DOCK2: variants seen among roughly 807,000 people sequenced by gnomAD.
DOCK2 encodes the protein dedicator of cytokinesis protein 2.
A neutral mutation model predicts 248.9 loss-of-function variants in DOCK2; 87 were observed. The ratio of observed to expected loss-of-function variants is 0.35; its 90% CI spans 0.29 to 0.42. The LOEUF (loss-of-function observed/expected upper bound fraction) is 0.42. DOCK2 is among the 10% of genes least tolerant of loss of function. DOCK2 has a pLI of 1.00. For synonymous variants in DOCK2, 805 were observed against 821.6 expected (o/e 0.98, Z 0.35); for missense variants, 1,747 against 2,300.2 (o/e 0.76, Z 4.92).
intron 27 of DOCK2, among the ~76,000 whole-genome samples, chr5:169,958,627 G>T (rs1332189179): frequency 1.3e-5 from 2 of 151,466 alleles, no homozygotes; most frequent in African/African-American, 2.4e-5. Context: ...TTTAAATATT[G>T]ATTGTATAGG....
In DOCK2 at chr5:169,662,655, G is replaced by C. The variant is rs145932236; in HGVS notation, c.128-6633G>C. On this transcript the variant is annotated intron_variant, in intron 2 of 51. Coordinates refer to ENST00000520908, the MANE Select transcript of DOCK2 (RefSeq NM_004946.3). ...GCATGTTTTACATGGCAGCAGGAGAGAGAGAGAACAAGAAGGGAAGTGCCA... is the reference window on the plus strand; with the variant it reads ...GCATGTTTTACATGGCAGCAGGAGACAGAGAGAACAAGAAGGGAAGTGCCA... Among the ~76,000 whole-genome samples, 331 of 152,320 alleles carry C rather than the reference G, an allele frequency of 2.2e-3. 1 individual carries two copies. Among genetic ancestry groups the C allele is most frequent in the African/African-American group, 7.2e-3 (299 of 41,576 alleles).
chr5:169,714,581 C>A, intron 19 of DOCK2, 124 bp downstream of exon 19: 1 of 1,005,072 alleles, frequency 9.9e-7, no homozygotes, highest in Non-Finnish European at 1.5e-6. Context: ...CAGTAGGATA[C>A]ACTCTCCCGA....
At chr5:169,747,812 A>C (rs1763691477) in intron 23 of DOCK2, among the ~76,000 whole-genome samples, 1 of 152,248 alleles carries the variant, frequency 6.6e-6, no homozygotes, top group South Asian at 2.1e-4. Context: ...TCTTAAACTG[A>C]GTTTAATTCT....
At chr5:169,744,880 C>T (rs34088773) in intron 22 of DOCK2, among the ~76,000 whole-genome samples, 20,080 of 152,120 alleles carry the variant, frequency 0.13, 1,521 homozygotes, top group Non-Finnish European at 0.18. Context: ...GCAGGTGGTT[C>T]CCAGGAGGAC....
chr5:169,721,767 G>A (rs1475745857), intron 22 of DOCK2, among the ~76,000 whole-genome samples: 1 of 152,186 alleles, frequency 6.6e-6, no homozygotes, highest in South Asian at 2.1e-4. Flanking sequence ...CGTATAGTTG[G>A]GTAAGGAAAG....
chr5:170,037,674 C>T lies in DOCK2; in HGVS notation c.3665+1119C>T, dbSNP rs375279350. 9.9e-5 allele frequency among the ~76,000 whole-genome samples: 15 copies of T among 151,982 alleles called. No individual in the cohort carries two copies. In the South Asian group the frequency reaches 1.0e-3, roughly 11 times the overall value. ...GCTAATTTTGTATTTTTAGTAGAGACGGGGTTTCACCATGTTGGCCAGGCT... is the reference window on the plus strand; with the variant it reads ...GCTAATTTTGTATTTTTAGTAGAGATGGGGTTTCACCATGTTGGCCAGGCT... On this transcript the variant is annotated intron_variant, in intron 36 of 51. Coordinates refer to ENST00000520908, the MANE Select transcript of DOCK2 (RefSeq NM_004946.3).
intron 22 of DOCK2, among the ~76,000 whole-genome samples, chr5:169,724,847 T>C (rs1441774278): frequency 1.3e-5 from 2 of 152,012 alleles, no homozygotes; most frequent in Non-Finnish European, 2.9e-5. Flanking sequence ...AGTTTCTTCC[T>C]ATGTAAATAT....
chr5:170,014,876 A>C (rs1755455027), intron 32 of DOCK2, among the ~76,000 whole-genome samples: 1 of 152,206 alleles, frequency 6.6e-6, no homozygotes, highest in Admixed American at 6.5e-5. Context: ...TACTCTGTGA[A>C]TAAACATGAT....
chr5:170,081,735 TC>T, intron 50 of DOCK2, 106 bp from the exon 51 acceptor site: 5 of 1,280,226 alleles, frequency 3.9e-6, no homozygotes, highest in Non-Finnish European at 5.3e-6. Context: ...CAATGTGTGA[TC>T]CCTGGATGCT....
chr5:169,992,074 A>G (rs899129986), intron 29 of DOCK2, among the ~76,000 whole-genome samples: 2 of 152,186 alleles, frequency 1.3e-5, no homozygotes, highest in Non-Finnish European at 2.9e-5. Flanking sequence ...GTGGTTAAAT[A>G]CCTAGATTCT....
chr5:169,931,190 A>G (rs1431749042), intron 27 of DOCK2, among the ~76,000 whole-genome samples: 4 of 152,218 alleles, frequency 2.6e-5, no homozygotes, highest in Non-Finnish European at 5.9e-5. Context: ...ACCTTCCTAC[A>G]GAGCCCAGCT....
intron 27 of DOCK2, among the ~76,000 whole-genome samples, chr5:169,846,093 AT>A (rs1770283128): frequency 6.6e-6 from 1 of 152,098 alleles, no homozygotes; most frequent in South Asian, 2.1e-4. Context: ...TCCAGATGTG[AT>A]TTTTTTGGTT....
At chr5:170,078,014 T>A (rs1027619193) in intron 48 of DOCK2, among the ~76,000 whole-genome samples, 177 bp downstream of exon 48, 2 of 152,144 alleles carry the variant, frequency 1.3e-5, no homozygotes, top group Non-Finnish European at 2.9e-5. Flanking sequence ...GTTAGTACCA[T>A]TTTTAGGGGA....
chr5:170,065,789 T>C (rs59843655), intron 44 of DOCK2, among the ~76,000 whole-genome samples: 77,229 of 151,510 alleles, frequency 0.51, 20,116 homozygotes, highest in East Asian at 0.66. Context: ...AAGTCCCTCC[T>C]ACAACATGTG....
chr5:169,973,822 T>C (rs1261689817), intron 27 of DOCK2, among the ~76,000 whole-genome samples: 1 of 152,216 alleles, frequency 6.6e-6, no homozygotes, highest in African/African-American at 2.4e-5. Context: ...GGTCTATCTG[T>C]GTATATCATC....
intron 22 of DOCK2, among the ~76,000 whole-genome samples, chr5:169,738,331 GA>G (rs1310805382): frequency 1.3e-5 from 2 of 152,192 alleles, no homozygotes; most frequent in African/African-American, 4.8e-5. Flanking sequence ...AGAGGGAAGG[GA>G]CACTGGTTCA....
chr5:169,711,303 G>A (rs1361322106), intron 15 of DOCK2, among the ~76,000 whole-genome samples: 3 of 152,178 alleles, frequency 2.0e-5, no homozygotes, highest in African/African-American at 7.2e-5. Flanking sequence ...GCAGCACAGA[G>A]CCAGGCTGAA....
rs532307373 is a variant in DOCK2, at chr5:169,719,911, T to A, written c.2267+1120T>A. Reference sequence around the variant, plus strand: ...ATTAGCCTGGGCAACAAAGCAAGACTCTGACTCTTAAAAAAAAAAAAAAGA... The same window carrying A: ...ATTAGCCTGGGCAACAAAGCAAGACACTGACTCTTAAAAAAAAAAAAAAGA... On this transcript the variant is annotated intron_variant, in intron 22 of 51. Transcript: ENST00000520908. Among the ~76,000 whole-genome samples, 269 of 151,124 alleles carry A rather than the reference T, an allele frequency of 1.8e-3. 2 individuals carry two copies. Among genetic ancestry groups the A allele is most frequent in the African/African-American group, 6.0e-3 (247 of 40,962 alleles).
chr5:169,663,962 T>G (rs921502098), intron 2 of DOCK2, among the ~76,000 whole-genome samples: 1 of 152,242 alleles, frequency 6.6e-6, no homozygotes, highest in African/African-American at 2.4e-5. Context: ...TTCTACCACA[T>G]GGTCAGGCTG....
Sources: gnomAD v4.1 joint callset for allele counts (sites outside exome capture counted in the v4.1 genomes callset) on GRCh38, gnomAD v4.1.1 for gene constraint, MANE v1.5 for transcripts, NCBI Gene and HGNC (gene_info 2026-07-23, HGNC 2026-07-21) for gene names.